Variants in ZNF131 observed in about 807,000 individuals in gnomAD.
The protein encoded by ZNF131 is zinc finger and BTB domain containing 35, also known as zinc finger protein 131.
A neutral mutation model predicts 60.0 loss-of-function variants in ZNF131; 7 were observed. The ratio of observed to expected loss-of-function variants is 0.12; its 90% CI spans 0.07 to 0.22. The LOEUF is 0.22. Ranked by LOEUF, ZNF131 falls within the 10% of genes least tolerant of loss-of-function variation. ZNF131 has a pLI of 1.00. For missense variants in ZNF131, 493 were observed against 740.9 expected, an observed-to-expected ratio of 0.67 and a Z score of 3.88; for synonymous variants, 257 against 253.2, an observed-to-expected ratio of 1.01 and a Z score of -0.14.
chr5:43,174,734 A>G lies in ZNF131; in HGVS notation c.1473A>G (p.Ala491=). The change falls in exon 7 of 7, where the codon GCA becomes GCG. Residue 491 remains alanine (A), a synonymous_variant. Transcript: ENST00000682664. Reference sequence around the variant, plus strand: ...TGCTTCAGGTTCAGGTGGATTCAGCACAAGTGACTGTGGAACAAGTCCATC... The same window carrying G: ...TGCTTCAGGTTCAGGTGGATTCAGCGCAAGTGACTGTGGAACAAGTCCATC... ...LPLLQVQVDS[A]QVTVEQVHPD... 3.7e-6 allele frequency: 6 copies of G among 1,614,240 alleles called. No individual in the cohort carries two copies. The highest frequency in any genetic ancestry group is 5.1e-6 in the Non-Finnish European group (6 of 1,180,044).
chr5:43,170,575 C>G (rs908616690), intron 5 of ZNF131, among the ~76,000 whole-genome samples: 3 of 152,180 alleles, frequency 2.0e-5, no homozygotes, highest in Admixed American at 2.0e-4. Flanking sequence ...CACCCCATCT[C>G]CAGCAGATTA....
rs1236002733 is a variant in ZNF131 at position 43,120,965 on chromosome 5, C to T, written c.-174C>T. ...CCGAACGCACGTGCGCCAGCGGGGC[C>T]CGAGCAGAAGGGGAGCCCCGGCTCT... On this transcript the variant is annotated 5_prime_UTR_variant, in exon 1 of 7. Coordinates refer to ENST00000682664, the MANE Select transcript of ZNF131 (RefSeq NM_001330707.2). 1 of 152,208 alleles carries T rather than the reference C, an allele frequency of 6.6e-6. No homozygotes were observed. The highest frequency in any genetic ancestry group is 1.5e-5 in the Non-Finnish European group (1 of 68,048). 9.4% of individuals were successfully genotyped at this position (152,208 alleles called of 1,614,324 possible). A position where few individuals can be genotyped will look rare whatever the true frequency, so the allele number is the denominator to read the frequency against.
At chr5:43,170,635 C>CTTTTT (rs35855782) in intron 5 of ZNF131, among the ~76,000 whole-genome samples, 1 of 141,446 alleles carries the variant, frequency 7.1e-6, no homozygotes, top group Non-Finnish European at 1.5e-5. Flanking sequence ...TCTTTGTCCC[C>CTTTTT]TTTTTTTTTT....
chr5:43,175,646 C>A lies in ZNF131; in HGVS notation c.*513C>A, dbSNP rs1751495214. On this transcript the variant is annotated 3_prime_UTR_variant, in exon 7 of 7. Coordinates refer to ENST00000682664, the MANE Select transcript of ZNF131 (RefSeq NM_001330707.2). The stretch of plus-strand genomic sequence containing the variant: ...GCTTTCTTTAGTTTGAACAAACGTT[C>A]TTGTCTACCCCAGTAGTCACAGATG... 1.3e-5 allele frequency: 6 copies of A among 449,812 alleles called. No individual in the cohort carries two copies. The South Asian group carries it at 1.6e-4, about 12-fold the overall frequency. The allele number at this position is 449,812 out of a possible 1,614,324, so 27.9% of individuals were successfully genotyped here. A position where few individuals can be genotyped will look rare whatever the true frequency, so the allele number is the denominator to read the frequency against.
Position 43,175,271 on chromosome 5 carries a change from G to T in ZNF131, c.*138G>T, listed in dbSNP as rs564845581. ...TTCCTGTTGTGCTGAACTGTTGTCC[G>T]TTGAAACACATTGATTCCCCTCCCC... On this transcript the variant is annotated 3_prime_UTR_variant, in exon 7 of 7. Coordinates refer to ENST00000682664, the MANE Select transcript of ZNF131 (RefSeq NM_001330707.2). 1.2e-6 allele frequency: 1 copy of T among 864,900 alleles called. No individual in the cohort carries two copies. Among genetic ancestry groups the T allele is most frequent in the African/African-American group, 1.7e-5 (1 of 58,682 alleles). The allele number at this position is 864,900 out of a possible 1,614,324, so 53.6% of individuals were successfully genotyped here.
chr5:43,161,632 TTCAGCTGTCACA>T lies in ZNF131; in HGVS notation c.757_768del (p.Gln253_His256del). On this transcript the variant is annotated inframe_deletion, in exon 5 of 7. Coordinates refer to ENST00000682664, the MANE Select transcript of ZNF131 (RefSeq NM_001330707.2). ...GTAGAAGGTATTGAAATTGTGGAAC[TTCAGCTGTCACA>T]TGTGAAGGACTTGTTCCATTGTGAG... The T allele has an allele frequency of 6.2e-7, 1 of 1,614,222 alleles. No individual in the cohort carries two copies. The highest frequency in any genetic ancestry group is 8.5e-7 in the Non-Finnish European group (1 of 1,180,018).
intron 5 of ZNF131, 88 bp from the exon 6 acceptor site, chr5:43,173,230 T>A: frequency 1.5e-6 from 2 of 1,307,428 alleles, no homozygotes; most frequent in Admixed American, 2.8e-5. Flanking sequence ...GTATTAAAAT[T>A]ACCCAAAAAG....
At chr5:43,151,832 A>G (rs1579826538) in intron 4 of ZNF131, among the ~76,000 whole-genome samples, 1 of 152,152 alleles carries the variant, frequency 6.6e-6, no homozygotes, top group African/African-American at 2.4e-5. Context: ...GGAAAGTACT[A>G]TTTGCAATTG....
intron 4 of ZNF131, among the ~76,000 whole-genome samples, chr5:43,158,570 G>A (rs1424690617): frequency 2.0e-5 from 3 of 152,230 alleles, no homozygotes; most frequent in East Asian, 1.9e-4. Context: ...GATTACAGGC[G>A]TGAGCCACCG....
In ZNF131 at chr5:43,175,259, G is replaced by A; in HGVS notation, c.*126G>A. On this transcript the variant is annotated 3_prime_UTR_variant, in exon 7 of 7. Transcript: ENST00000682664. ...AAGTTAAGCTGTTTCCTGTTGTGCT[G>A]AACTGTTGTCCGTTGAAACACATTG... The A allele has an allele frequency of 3.0e-6, 3 of 995,152 alleles. No homozygotes were observed. The highest frequency in any genetic ancestry group is 4.4e-6 in the Non-Finnish European group (3 of 688,432). The allele number at this position is 995,152 out of a possible 1,614,324, so 61.6% of individuals were successfully genotyped here. A position where few individuals can be genotyped will look rare whatever the true frequency, so the allele number is the denominator to read the frequency against.
intron 5 of ZNF131, among the ~76,000 whole-genome samples, chr5:43,169,375 A>G (rs10050482): frequency 0.047 from 7,130 of 152,306 alleles, 543 homozygotes; most frequent in African/African-American, 0.16. Context: ...ATGGCACACA[A>G]TGAAAATTGA....
chr5:43,163,235 C>T (rs950491783), intron 5 of ZNF131, among the ~76,000 whole-genome samples: 4 of 152,058 alleles, frequency 2.6e-5, no homozygotes, highest in African/African-American at 9.7e-5. Flanking sequence ...GCCTCGGCCT[C>T]CCAAAGTGCT....
At chr5:43,123,346 CAAAG>C (rs758460122) in intron 3 of ZNF131, 36 bp downstream of exon 3, 6 of 1,526,678 alleles carry the variant, frequency 3.9e-6, no homozygotes, top group Middle Eastern at 1.7e-4. Context: ...TTTAATAAAT[CAAAG>C]AAGCCATTTT....
In ZNF131 at chr5:43,174,593, T is replaced by C. The variant is rs1389303866; in HGVS notation, c.1332T>C (p.Asn444=). The change falls in exon 7 of 7, where the codon AAT becomes AAC. Residue 444 remains asparagine (N), a synonymous_variant. Transcript: ENST00000682664. ...GGAGGCATCTCAGTGATGCTCACAA[T>C]ATTTCAGAGCGTCTAGTAACGGAAG... ...ELRRHLSDAH[N]ISERLVTEEV... 6.2e-7 allele frequency: 1 copy of C among 1,613,560 alleles called. No homozygotes were observed. The highest frequency in any genetic ancestry group is 1.1e-5 in the South Asian group (1 of 90,946).
chr5:43,143,066 A>C (rs1324751202), intron 4 of ZNF131, among the ~76,000 whole-genome samples: 1 of 147,230 alleles, frequency 6.8e-6, no homozygotes, highest in Non-Finnish European at 1.5e-5. Context: ...CACTGTTACC[A>C]GGATGGAGTG....
chr5:43,175,108 GA>G lies in ZNF131; in HGVS notation c.1849del (p.Thr617GlnfsTer6). ...GCAGAAAAGGCAGAGAATGAGGACA[GA>G]ACAGCTCTGCCAGTTTTAGAATGAA... ...SEAEKAENEDRTALPVLE is the reference protein window; with the variant it reads ...SEAEKAENEDXTALPVLE On this transcript the variant is annotated frameshift_variant, in exon 7 of 7. Transcript: ENST00000682664. LOFTEE classifies it high-confidence loss of function. The G allele has an allele frequency of 6.2e-7, 1 of 1,607,890 alleles. No homozygotes were observed. Among genetic ancestry groups the G allele is most frequent in the Non-Finnish European group, 8.5e-7 (1 of 1,178,270 alleles).
chr5:43,126,293 T>G (rs1276182026), intron 3 of ZNF131, among the ~76,000 whole-genome samples: 2 of 152,252 alleles, frequency 1.3e-5, no homozygotes, highest in Admixed American at 6.5e-5. Context: ...TGGTTTCACT[T>G]TAGCGGGCAG....
rs1340296076 is a variant in ZNF131 at position 43,121,105 on chromosome 5, A to T, written c.-34A>T. ...AGGCTCTGAGGGACGGAGAGGAAGG[A>T]GGGCGACCCACGAGCTAGGTAAGGC... On this transcript the variant is annotated 5_prime_UTR_variant, in exon 1 of 7. Coordinates refer to ENST00000682664, the MANE Select transcript of ZNF131 (RefSeq NM_001330707.2). 1 of 128,838 alleles carries T rather than the reference A, an allele frequency of 7.8e-6. No homozygotes were observed. The highest frequency in any genetic ancestry group is 2.9e-5 in the African/African-American group (1 of 34,010). 8.0% of individuals were successfully genotyped at this position (128,838 alleles called of 1,614,324 possible). A position where few individuals can be genotyped will look rare whatever the true frequency, so the allele number is the denominator to read the frequency against.
At chr5:43,128,676 A>AAAAAAG (rs1744897141) in intron 3 of ZNF131, among the ~76,000 whole-genome samples, 1 of 150,740 alleles carries the variant, frequency 6.6e-6, no homozygotes, top group Non-Finnish European at 1.5e-5. Flanking sequence ...AAAAAAAAAA[A>AAAAAAG]ACACACCTGG....
Sources: allele counts gnomAD v4.1 joint callset (sites outside exome capture counted in the v4.1 genomes callset), GRCh38; gene constraint gnomAD v4.1.1; transcripts MANE v1.5; gene names NCBI Gene and HGNC (gene_info 2026-07-23, HGNC 2026-07-21).